LRRIQ3: variants seen among roughly 807,000 people sequenced by gnomAD.
The protein encoded by LRRIQ3 is leucine-rich repeat and IQ domain-containing protein 3.
LRRIQ3 carries 75 observed loss-of-function variants against 59.3 expected under a neutral mutation model. The ratio of observed to expected loss-of-function variants is 1.26; its 90% CI spans 1.05 to 1.53. The LOEUF is 1.53. Among genes scored for constraint, LRRIQ3 ranks in the 40% most tolerant of loss-of-function variants. The pLI is 0.00. For synonymous variants in LRRIQ3, 250 were observed against 231.3 expected (o/e 1.08, Z -0.73); for missense variants, 831 against 710.0 (o/e 1.17, Z -1.94).
chr1:74,111,055 C>CA (rs1308856326), intron 4 of LRRIQ3, among the ~76,000 whole-genome samples: 1 of 151,818 alleles, frequency 6.6e-6, no homozygotes, highest in Non-Finnish European at 1.5e-5. Context: ...ATAACAACAA[C>CA]AAAAAATTGT....
intron 1 of LRRIQ3, among the ~76,000 whole-genome samples, chr1:74,197,175 A>G (rs1425986458): frequency 6.6e-6 from 1 of 152,194 alleles, no homozygotes; most frequent in African/African-American, 2.4e-5. Flanking sequence ...TTAGAACACG[A>G]TTGTATAACA....
intron 4 of LRRIQ3, among the ~76,000 whole-genome samples, chr1:74,130,586 A>G (rs1160123010): frequency 6.6e-6 from 1 of 152,012 alleles, no homozygotes; most frequent in African/African-American, 2.4e-5. Flanking sequence ...CACTCACTTG[A>G]TTTTTGGTTC....
rs1368480756 is a variant in LRRIQ3 at position 74,041,731 on chromosome 1, C to T, written c.1200G>A (p.Leu400=). The change falls in exon 7 of 8, where the codon TTG becomes TTA. Residue 400 remains leucine, a synonymous_variant. Transcript: ENST00000354431. Reference sequence around the variant, plus strand: ...CAAAAAACTCTTTCATACTCCGCTCCAATCGTATGTCTTTTTTAATGATTG... The same window carrying T: ...CAAAAAACTCTTTCATACTCCGCTCTAATCGTATGTCTTTTTTAATGATTG... ...PKPIIKKDIR[L]ERSMKEFFAP... The T allele has an allele frequency of 1.2e-6, 2 of 1,613,620 alleles. No homozygotes were observed. The highest frequency in any genetic ancestry group is 1.7e-6 in the Non-Finnish European group (2 of 1,179,770).
Position 74,198,173 on chromosome 1 carries a change from G to A in LRRIQ3, c.-178C>T, listed in dbSNP as rs1210891299. The A allele has an allele frequency of 1.1e-5, 17 of 1,530,204 alleles. No homozygotes were observed. Among genetic ancestry groups the A allele is most frequent in the East Asian group, 4.6e-5 (2 of 43,746 alleles). 94.8% of individuals were successfully genotyped at this position (1,530,204 alleles called of 1,614,324 possible). A position where few individuals can be genotyped will look rare whatever the true frequency, so the allele number is the denominator to read the frequency against. ...GCCAGCCAAGGCGCTCCGGGGGCGT[G>A]GTTACGTGGGCGACGCACGGAGGGG... On this transcript the variant is annotated 5_prime_UTR_variant, in exon 1 of 8. Coordinates refer to ENST00000354431, the MANE Select transcript of LRRIQ3 (RefSeq NM_001105659.2).
chr1:74,154,684 G>A (rs1327187377), intron 4 of LRRIQ3, among the ~76,000 whole-genome samples: 1 of 152,094 alleles, frequency 6.6e-6, no homozygotes. Flanking sequence ...AATATAAAAA[G>A]CACATTAAAT....
At chr1:74,072,234 A>G (rs572989913) in intron 6 of LRRIQ3, among the ~76,000 whole-genome samples, 37 of 152,158 alleles carry the variant, frequency 2.4e-4, no homozygotes, top group African/African-American at 7.9e-4. Flanking sequence ...TATCTCAAGT[A>G]AGTCTTATAT....
chr1:74,152,011 G>C (rs1387032294), intron 4 of LRRIQ3, among the ~76,000 whole-genome samples: 1 of 151,958 alleles, frequency 6.6e-6, no homozygotes, highest in East Asian at 1.9e-4. Flanking sequence ...ATAATAAGAA[G>C]AAAGTAAAGA....
chr1:74,105,455 GT>G (rs1646597995), intron 5 of LRRIQ3, among the ~76,000 whole-genome samples: 1 of 151,884 alleles, frequency 6.6e-6, no homozygotes, highest in South Asian at 2.1e-4. Context: ...GTCTCACAAT[GT>G]TTGCCAGGCT....
intron 6 of LRRIQ3, among the ~76,000 whole-genome samples, chr1:74,050,209 ACCACAC>A (rs1351594570): frequency 2.0e-5 from 3 of 152,124 alleles, no homozygotes; most frequent in African/African-American, 7.2e-5. Context: ...GGAGTGAGCC[ACCACAC>A]CCACCTTGCA....
intron 5 of LRRIQ3, among the ~76,000 whole-genome samples, chr1:74,090,277 C>A (rs1646380526): frequency 6.6e-6 from 1 of 151,368 alleles, no homozygotes; most frequent in Admixed American, 6.6e-5. Context: ...TATAATAAAT[C>A]AGGATTCAAG....
chr1:74,183,182 T>C lies in LRRIQ3; in HGVS notation c.249+254A>G, dbSNP rs764562973. The stretch of plus-strand genomic sequence containing the variant: ...TTACCTAAGGAAAATTAAGGAATCA[T>C]GAGGCATTCTTAATCCAGGCTATAG... On this transcript the variant is annotated intron_variant, in intron 2 of 7. Coordinates refer to ENST00000354431, the MANE Select transcript of LRRIQ3 (RefSeq NM_001105659.2). The C allele has an allele frequency of 1.5e-4, 50 of 323,792 alleles. 1 individual carries two copies. The highest frequency in any genetic ancestry group is 2.5e-4 in the Non-Finnish European group (45 of 180,182). The allele number at this position is 323,792 out of a possible 1,614,324, so 20.1% of individuals were successfully genotyped here.
At chr1:74,168,320 A>C (rs1333071858) in intron 3 of LRRIQ3, among the ~76,000 whole-genome samples, 1 of 152,012 alleles carries the variant, frequency 6.6e-6, no homozygotes, top group Admixed American at 6.6e-5. Context: ...TGAAACTTTT[A>C]TCATGATATA....
At chr1:74,099,168 TAAAG>T (rs1446708228) in intron 5 of LRRIQ3, among the ~76,000 whole-genome samples, 13 of 151,710 alleles carry the variant, frequency 8.6e-5, no homozygotes, top group Non-Finnish European at 1.8e-4. Context: ...GCAAGACTAA[TAAAG>T]AAGAAAAGAG....
chr1:74,120,733 T>TAA (rs1157419387), intron 4 of LRRIQ3, among the ~76,000 whole-genome samples: 2 of 152,038 alleles, frequency 1.3e-5, no homozygotes, highest in African/African-American at 4.8e-5. Flanking sequence ...TGATAATATT[T>TAA]AATAAATAGC....
chr1:74,088,992 T>C lies in LRRIQ3; in HGVS notation c.868-14202A>G, dbSNP rs145145979. On this transcript the variant is annotated intron_variant, in intron 5 of 7. Coordinates refer to ENST00000354431, the MANE Select transcript of LRRIQ3 (RefSeq NM_001105659.2). ...AATAAAAAGATAATCTATTATAAAA[T>C]GATCAAAGGATTTAAATAGACAGTT... is the stretch of plus-strand genomic sequence containing the variant. 6.8e-3 allele frequency among the ~76,000 whole-genome samples: 1,036 copies of C among 152,124 alleles called. 5 individuals are homozygous for C. Among genetic ancestry groups the C allele is most frequent in the Non-Finnish European group, 9.0e-3 (609 of 67,938 alleles).
At chr1:74,081,904 T>G (rs1646276955) in intron 5 of LRRIQ3, 1 of 151,562 alleles carries the variant, frequency 6.6e-6, no homozygotes, top group Non-Finnish European at 1.5e-5. Flanking sequence ...ATCATAGTTA[T>G]GTCCATTGCT....
At chr1:74,063,121 AAACAACAAC>A (rs1012702321) in intron 6 of LRRIQ3, among the ~76,000 whole-genome samples, 4 of 151,020 alleles carry the variant, frequency 2.6e-5, no homozygotes, top group African/African-American at 9.7e-5. Flanking sequence ...CCCCAAAACC[AAACAACAAC>A]AACAACAACA....
At chr1:74,080,773 T>C (rs1475556102) in intron 5 of LRRIQ3, among the ~76,000 whole-genome samples, 1 of 151,634 alleles carries the variant, frequency 6.6e-6, no homozygotes, top group Admixed American at 6.6e-5. Flanking sequence ...AGCTCTAGTG[T>C]CTGGCAGCAC....
intron 3 of LRRIQ3, among the ~76,000 whole-genome samples, chr1:74,160,956 C>T (rs1036102219): frequency 6.6e-6 from 1 of 151,984 alleles, no homozygotes; most frequent in Non-Finnish European, 1.5e-5. Flanking sequence ...GCCTTAGTTT[C>T]TTCTTTTGAT....
Sources: gnomAD v4.1 joint callset for allele counts (sites outside exome capture counted in the v4.1 genomes callset) on GRCh38, gnomAD v4.1.1 for gene constraint, MANE v1.5 for transcripts, NCBI Gene and HGNC (gene_info 2026-07-23, HGNC 2026-07-21) for gene names.